GRM1: variants seen among roughly 807,000 people sequenced by gnomAD.
GRM1 encodes metabotropic glutamate receptor 1.
A neutral mutation model predicts 90.9 loss-of-function variants in GRM1; 33 were observed. The ratio of observed to expected loss-of-function variants is 0.36; its 90% CI spans 0.28 to 0.49. GRM1 has a LOEUF of 0.49. GRM1 is among the 20% of genes least tolerant of loss of function. The pLI, the probability that GRM1 is intolerant of heterozygous loss-of-function variation, is 0.99. For missense variants in GRM1, 1,190 were observed against 1,534.3 expected, an observed-to-expected ratio of 0.78 and a Z score of 3.75; for synonymous variants, 700 against 613.2, an observed-to-expected ratio of 1.14 and a Z score of -2.09.
intron 2 of GRM1, among the ~76,000 whole-genome samples, chr6:146,224,781 C>T (rs1487432080): frequency 1.3e-5 from 2 of 152,106 alleles, no homozygotes; most frequent in South Asian, 2.1e-4. Flanking sequence ...AGTAACATCT[C>T]TTCAACCAAC....
At chr6:146,192,833 G>C (rs1778976349) in intron 2 of GRM1, among the ~76,000 whole-genome samples, 1 of 152,074 alleles carries the variant, frequency 6.6e-6, no homozygotes, top group South Asian at 2.1e-4. Flanking sequence ...ATTTTAAACA[G>C]GCTTTTCTGC....
chr6:146,111,602 C>T (rs1469715805), intron 1 of GRM1, among the ~76,000 whole-genome samples: 1 of 152,174 alleles, frequency 6.6e-6, no homozygotes, highest in Non-Finnish European at 1.5e-5. Flanking sequence ...CGTGTAAAGC[C>T]AGCCTTGCAA....
At chr6:146,325,545 T>C (rs765843954) in intron 3 of GRM1, among the ~76,000 whole-genome samples, 1 of 152,206 alleles carries the variant, frequency 6.6e-6, no homozygotes, top group Non-Finnish European at 1.5e-5. Flanking sequence ...TCAGCCTGGC[T>C]GTACCATGCT....
chr6:146,404,724 G>A (rs567872219), intron 7 of GRM1, among the ~76,000 whole-genome samples: 16 of 152,302 alleles, frequency 1.1e-4, no homozygotes, highest in African/African-American at 3.8e-4. Context: ...GCAAATGCAA[G>A]AAGAGTATAG....
intron 2 of GRM1, among the ~76,000 whole-genome samples, chr6:146,259,973 T>TA (rs1436897032): frequency 1.3e-5 from 2 of 148,338 alleles, no homozygotes; most frequent in African/African-American, 4.9e-5. Context: ...TATATATATA[T>TA]TTATATATAT....
chr6:146,374,709 G>T (rs1241199099), intron 5 of GRM1, among the ~76,000 whole-genome samples: 2 of 151,984 alleles, frequency 1.3e-5, no homozygotes, highest in Admixed American at 1.3e-4. Context: ...AATATTAGTT[G>T]TAATGTCTCT....
At chr6:146,243,302 A>C (rs1023974088) in intron 2 of GRM1, among the ~76,000 whole-genome samples, 1 of 152,076 alleles carries the variant, frequency 6.6e-6, no homozygotes, top group South Asian at 2.1e-4. Context: ...ACCTCAAGAA[A>C]GTTCCTGTAC....
At chr6:146,030,450 C>A (rs1220622824) in intron 1 of GRM1, among the ~76,000 whole-genome samples, 3 of 152,156 alleles carry the variant, frequency 2.0e-5, no homozygotes, top group African/African-American at 7.2e-5. Flanking sequence ...GAAAGGGTAT[C>A]AAACTTTCCA....
intron 2 of GRM1, among the ~76,000 whole-genome samples, chr6:146,247,790 GTGTGTGTGTGTGTGTA>G (rs1781120012): frequency 7.0e-6 from 1 of 142,240 alleles, no homozygotes; most frequent in Non-Finnish European, 1.5e-5. Flanking sequence ...GTGTGTGTGT[GTGTGTGTGTGTGTGTA>G]TATATATATA....
At chr6:146,057,126 T>G (rs1775508467) in intron 1 of GRM1, among the ~76,000 whole-genome samples, 1 of 152,158 alleles carries the variant, frequency 6.6e-6, no homozygotes, top group East Asian at 1.9e-4. Flanking sequence ...ACACAGAGCC[T>G]AAGTCATAAG....
At chr6:146,382,422 A>G (rs939549371) in intron 5 of GRM1, among the ~76,000 whole-genome samples, 2 of 152,028 alleles carry the variant, frequency 1.3e-5, no homozygotes, top group Non-Finnish European at 2.9e-5. Flanking sequence ...TAAAATATCA[A>G]CTATATTTTT....
chr6:146,083,918 AT>A (rs1231718765), intron 1 of GRM1, among the ~76,000 whole-genome samples: 2 of 152,282 alleles, frequency 1.3e-5, no homozygotes, highest in East Asian at 3.9e-4. Context: ...AGAACTTGTT[AT>A]TGGTCTATTC....
At chr6:146,315,610 C>T (rs575883870) in intron 3 of GRM1, among the ~76,000 whole-genome samples, 20 of 152,272 alleles carry the variant, frequency 1.3e-4, no homozygotes, top group Admixed American at 3.9e-4. Context: ...ACAAAACTTT[C>T]CTATATTAAT....
chr6:146,267,661 G>C (rs930439197), intron 2 of GRM1, among the ~76,000 whole-genome samples: 2 of 115,388 alleles, frequency 1.7e-5, no homozygotes, highest in African/African-American at 1.1e-4. Context: ...GGCTGGGCTG[G>C]GCTGGGCTGG....
chr6:146,351,042 G>A (rs907623415), intron 3 of GRM1, among the ~76,000 whole-genome samples: 1 of 152,100 alleles, frequency 6.6e-6, no homozygotes, highest in Non-Finnish European at 1.5e-5. Context: ...TTCATCCCAA[G>A]TTCGATATCA....
rs773265053 is a variant in GRM1 at position 146,437,202 on chromosome 6, A to T, written c.*2406A>T. On this transcript the variant is annotated 3_prime_UTR_variant, in exon 8 of 8. Coordinates refer to ENST00000282753, the MANE Select transcript of GRM1 (RefSeq NM_001278064.2). ...TTTACTCTTAATGCCACTAATATAC[A>T]TCCCTAATATCACAGGGCTTGTGCA... 6.6e-6 allele frequency: 1 copy of T among 152,196 alleles called. No individual in the cohort carries two copies. The highest frequency in any genetic ancestry group is 1.5e-5 in the Non-Finnish European group (1 of 68,018). 9.4% of individuals were successfully genotyped at this position (152,196 alleles called of 1,614,324 possible). A position where few individuals can be genotyped will look rare whatever the true frequency, so the allele number is the denominator to read the frequency against.
In GRM1 at chr6:146,304,861, C is replaced by CA. The variant is rs1450320808; in HGVS notation, c.1186+19dup. The CA allele has an allele frequency of 6.6e-7, 1 of 1,509,796 alleles. No individual in the cohort carries two copies. Among genetic ancestry groups the CA allele is most frequent in the Admixed American group, 1.7e-5 (1 of 59,810 alleles). 93.5% of individuals were successfully genotyped at this position (1,509,796 alleles called of 1,614,324 possible). On this transcript the variant is annotated intron_variant, in intron 3 of 7. Coordinates refer to ENST00000282753, the MANE Select transcript of GRM1 (RefSeq NM_001278064.2). ...AATCTGCACAGGTAACTCATGTTCACAAAATAACAACTCAGAGGTTTGGTC... is the reference window on the plus strand; with the variant it reads ...AATCTGCACAGGTAACTCATGTTCACAAAAATAACAACTCAGAGGTTTGGTC...
intron 2 of GRM1, among the ~76,000 whole-genome samples, chr6:146,292,578 A>C (rs1783024915): frequency 6.6e-6 from 1 of 151,994 alleles, no homozygotes; most frequent in Admixed American, 6.6e-5. Flanking sequence ...ATACTATTTC[A>C]TATCCAGTAA....
chr6:146,034,450 A>G (rs1489977460), intron 1 of GRM1, among the ~76,000 whole-genome samples: 1 of 151,868 alleles, frequency 6.6e-6, no homozygotes, highest in Admixed American at 6.6e-5. Context: ...ATTAATCCAT[A>G]TCTCCTTCCT....
Sources: gnomAD v4.1 joint callset for allele counts (sites outside exome capture counted in the v4.1 genomes callset) on GRCh38, gnomAD v4.1.1 for gene constraint, MANE v1.5 for transcripts, NCBI Gene and HGNC (gene_info 2026-07-23, HGNC 2026-07-21) for gene names.